CACNA2D1: variants seen among roughly 807,000 people sequenced by gnomAD.
CACNA2D1 encodes the protein voltage-dependent calcium channel subunit alpha-2/delta-1.
A neutral mutation model predicts 171.5 loss-of-function variants in CACNA2D1; 53 were observed. The observed-to-expected ratio is 0.31, with a 90% confidence interval of 0.25 to 0.39. The LOEUF (loss-of-function observed/expected upper bound fraction) is 0.39. CACNA2D1 is among the 10% of genes least tolerant of loss of function. CACNA2D1 has a pLI of 1.00. For missense variants in CACNA2D1, 903 were observed against 1,299.8 expected (o/e 0.69, Z 4.69); for synonymous variants, 442 against 443.1 (o/e 1.00, Z 0.03).
intron 35 of CACNA2D1, 75 bp downstream of exon 35, chr7:81,962,365 T>C: frequency 9.9e-7 from 1 of 1,012,362 alleles, no homozygotes. Flanking sequence ...TTCTCTGAAT[T>C]TGTTGAACTT....
intron 3 of CACNA2D1, among the ~76,000 whole-genome samples, chr7:82,252,836 G>A (rs1261945669): frequency 6.6e-6 from 1 of 151,972 alleles, no homozygotes; most frequent in Non-Finnish European, 1.5e-5. Flanking sequence ...GTTGCAGTGA[G>A]CCAAGATCAC....
chr7:82,332,510 T>TAAAAGAAAGAAAG (rs1323648237), intron 3 of CACNA2D1, among the ~76,000 whole-genome samples: 24 of 92,650 alleles, frequency 2.6e-4, no homozygotes, highest in African/African-American at 8.8e-4. Context: ...AAAAGAAATA[T>TAAAAGAAAGAAAG]AAAGAAAGAA....
At chr7:81,995,056 A>C (rs905089221) in intron 19 of CACNA2D1, 117 bp from the exon 20 acceptor site, 4 of 616,374 alleles carry the variant, frequency 6.5e-6, no homozygotes, top group Non-Finnish European at 1.2e-5. Context: ...ATAAAATAAA[A>C]ATAGGGGGTT....
chr7:82,277,745 C>CTTTTTTTTTT (rs1186719410), intron 3 of CACNA2D1, among the ~76,000 whole-genome samples: 3 of 142,092 alleles, frequency 2.1e-5, no homozygotes, highest in Non-Finnish European at 1.5e-5. Context: ...TAATTTTTTA[C>CTTTTTTTTTT]TTTTATTTTT....
At chr7:82,279,977 A>G (rs947365968) in intron 3 of CACNA2D1, among the ~76,000 whole-genome samples, 1 of 152,200 alleles carries the variant, frequency 6.6e-6, no homozygotes. Context: ...CAAAAATGAT[A>G]TAATTGCATG....
chr7:82,176,470 A>C (rs1359552034), intron 3 of CACNA2D1, among the ~76,000 whole-genome samples: 2 of 151,996 alleles, frequency 1.3e-5, no homozygotes, highest in African/African-American at 2.4e-5. Context: ...TGTATGTTTA[A>C]ATCACATGTG....
At chr7:82,284,819 T>C (rs924710710) in intron 3 of CACNA2D1, among the ~76,000 whole-genome samples, 2 of 152,170 alleles carry the variant, frequency 1.3e-5, no homozygotes, top group Admixed American at 6.5e-5. Context: ...ATAGGAATAG[T>C]ATATATGTGG....
intron 1 of CACNA2D1, among the ~76,000 whole-genome samples, chr7:82,368,204 T>C (rs912704589): frequency 5.6e-4 from 86 of 152,336 alleles, no homozygotes; most frequent in African/African-American, 2.0e-3. Context: ...ATGCTCCTCG[T>C]AGCAAGCAGA....
At chr7:81,996,450 G>A (rs1798055919) in intron 19 of CACNA2D1, among the ~76,000 whole-genome samples, 1 of 151,528 alleles carries the variant, frequency 6.6e-6, no homozygotes, top group African/African-American at 2.4e-5. Context: ...TAATCCATCT[G>A]GAAAAATCCT....
At chr7:82,372,340 A>T (rs1822507198) in intron 1 of CACNA2D1, among the ~76,000 whole-genome samples, 1 of 152,184 alleles carries the variant, frequency 6.6e-6, no homozygotes, top group Non-Finnish European at 1.5e-5. Flanking sequence ...AAACAAAAAT[A>T]TTAGCTCAAA....
chr7:82,332,510 T>TAAAGAAAGAAAAAGAAAGAAAGAAAG (rs1554514821), intron 3 of CACNA2D1, among the ~76,000 whole-genome samples: 5 of 92,556 alleles, frequency 5.4e-5, no homozygotes, highest in African/African-American at 1.9e-4. Flanking sequence ...AAAAGAAATA[T>TAAAGAAAGAAAAAGAAAGAAAGAAAG]AAAGAAAGAA....
chr7:82,301,288 G>A (rs1338625164), intron 3 of CACNA2D1, among the ~76,000 whole-genome samples: 2 of 152,022 alleles, frequency 1.3e-5, no homozygotes, highest in South Asian at 2.1e-4. Flanking sequence ...CACCACACCC[G>A]GTTAATTTTG....
chr7:82,374,473 C>T (rs1331817764), intron 1 of CACNA2D1, among the ~76,000 whole-genome samples: 1 of 152,150 alleles, frequency 6.6e-6, no homozygotes, highest in Non-Finnish European at 1.5e-5. Flanking sequence ...CATCCACACG[C>T]ACACACCCCA....
Position 82,254,298 on chromosome 7 carries a change from A to C in CACNA2D1, c.294+80837T>G, listed in dbSNP as rs11982133. ...CTACCATATGTTTGTAATTGTAGGG[A>C]GAAGGAACCATAAAAGGTTACTTGT... On this transcript the variant is annotated intron_variant, in intron 3 of 38. Transcript: ENST00000356860. Among the ~76,000 whole-genome samples, 836 of 152,274 alleles carry C rather than the reference A, an allele frequency of 5.5e-3. 15 individuals are homozygous for C. Among genetic ancestry groups the C allele is most frequent in the African/African-American group, 0.02 (815 of 41,568 alleles).
intron 3 of CACNA2D1, among the ~76,000 whole-genome samples, chr7:82,230,076 T>C (rs1365360446): frequency 6.6e-6 from 1 of 152,210 alleles, no homozygotes; most frequent in Non-Finnish European, 1.5e-5. Context: ...ACATTAAGTA[T>C]AAAACTTGGT....
chr7:82,111,407 C>CATATATAT (rs1429619091), intron 6 of CACNA2D1, among the ~76,000 whole-genome samples: 1 of 69,092 alleles, frequency 1.4e-5, no homozygotes, highest in Non-Finnish European at 2.9e-5. Context: ...TATATATATT[C>CATATATAT]ATATATGTGT....
intron 10 of CACNA2D1, among the ~76,000 whole-genome samples, chr7:82,041,074 G>A (rs961993262): frequency 2.0e-5 from 3 of 151,948 alleles, no homozygotes; most frequent in Admixed American, 6.6e-5. Context: ...AGGGCAGAAC[G>A]AATGGACAGC....
At chr7:82,281,013 G>T (rs777922473) in intron 3 of CACNA2D1, among the ~76,000 whole-genome samples, 1 of 152,144 alleles carries the variant, frequency 6.6e-6, no homozygotes. Context: ...AAATTGGTCT[G>T]ATCATTAAGG....
chr7:82,412,647 G>T (rs1244210984), intron 1 of CACNA2D1, among the ~76,000 whole-genome samples: 3 of 151,890 alleles, frequency 2.0e-5, no homozygotes, highest in African/African-American at 7.2e-5. Context: ...GAAATCATTT[G>T]TTAGTCTCTT....
Sources: gnomAD v4.1 joint callset for allele counts (sites outside exome capture counted in the v4.1 genomes callset) on GRCh38, gnomAD v4.1.1 for gene constraint, MANE v1.5 for transcripts, NCBI Gene and HGNC (gene_info 2026-07-23, HGNC 2026-07-21) for gene names.